Variants in PSD3 observed in about 807,000 individuals in gnomAD.
PSD3 encodes pleckstrin and Sec7 domain containing 3.
In PSD3, 49 loss-of-function variants were observed where a neutral mutation model predicts 105.5. The observed-to-expected ratio is 0.46, with a 90% CI of 0.37 to 0.59. The LOEUF is 0.59. PSD3 is among the 20% of genes least tolerant of loss of function. PSD3 has a pLI of 0.00. For synonymous variants in PSD3, 557 were observed against 457.8 expected, an observed-to-expected ratio of 1.22 and a Z score of -2.77; for missense variants, 1,561 against 1,263.8, an observed-to-expected ratio of 1.24 and a Z score of -3.57.
At chr8:18,968,527 A>G (rs1824427213) in intron 1 of PSD3, among the ~76,000 whole-genome samples, 1 of 152,174 alleles carries the variant, frequency 6.6e-6, no homozygotes, top group South Asian at 2.1e-4. Flanking sequence ...TCTCAAGACT[A>G]AAGAAAAACT....
At chr8:18,861,650 A>G (rs981739979) in intron 4 of PSD3, among the ~76,000 whole-genome samples, 1 of 152,156 alleles carries the variant, frequency 6.6e-6, no homozygotes, top group Non-Finnish European at 1.5e-5. Context: ...CATGTGTCCT[A>G]GAGTCAAACA....
chr8:18,710,292 G>C (rs62495802), intron 9 of PSD3, among the ~76,000 whole-genome samples: 28 of 151,850 alleles, frequency 1.8e-4, no homozygotes, highest in Non-Finnish European at 3.7e-4. Context: ...AAAGATTAGA[G>C]GGAAAAAAAA....
chr8:18,649,772 T>C (rs114999429), intron 10 of PSD3, among the ~76,000 whole-genome samples: 200 of 152,316 alleles, frequency 1.3e-3, no homozygotes, highest in African/African-American at 4.3e-3. Context: ...ATTTCCCCCT[T>C]TGGTGCTGTT....
chr8:18,629,241 T>C (rs750827118), intron 11 of PSD3, among the ~76,000 whole-genome samples: 1 of 151,962 alleles, frequency 6.6e-6, no homozygotes, highest in Non-Finnish European at 1.5e-5. Flanking sequence ...CAGGAAGACA[T>C]AATATATATA....
rs1408178752 is a variant in PSD3, at chr8:18,535,670, C to T, written c.*73G>A. The T allele has an allele frequency of 2.5e-6, 3 of 1,220,840 alleles. No individual in the cohort carries two copies. The highest frequency in any genetic ancestry group is 1.9e-5 in the Admixed American group (1 of 51,376). 75.6% of individuals were successfully genotyped at this position (1,220,840 alleles called of 1,614,324 possible). ...CAGACTTTTTTTTTTTAAATATATT[C>T]ACGGATTACCAGAAAGATCTTGAAA... On this transcript the variant is annotated 3_prime_UTR_variant, in exon 16 of 16. Coordinates refer to ENST00000327040, the MANE Select transcript of PSD3 (RefSeq NM_015310.4).
intron 15 of PSD3, among the ~76,000 whole-genome samples, chr8:18,550,679 C>T (rs374544304): frequency 2.0e-5 from 3 of 152,222 alleles, no homozygotes; most frequent in East Asian, 3.9e-4. Context: ...GAATACCTCA[C>T]GTAATATACT....
Position 18,530,996 on chromosome 8 carries a change from G to A in PSD3, c.*4747C>T, listed in dbSNP as rs534125075. On this transcript the variant is annotated 3_prime_UTR_variant, in exon 16 of 16. Coordinates refer to ENST00000327040, the MANE Select transcript of PSD3 (RefSeq NM_015310.4). Reference sequence around the variant, plus strand: ...GATTAAGGACAAAAATAATTTTGATGTACATGTACCATACACTGATATGCA... The same window carrying A: ...GATTAAGGACAAAAATAATTTTGATATACATGTACCATACACTGATATGCA... 2 of 151,308 alleles carry A rather than the reference G, an allele frequency of 1.3e-5. No individual in the cohort carries two copies. The highest frequency in any genetic ancestry group is 2.1e-4 in the South Asian group (1 of 4,768). 9.4% of individuals were successfully genotyped at this position (151,308 alleles called of 1,614,324 possible). A position where few individuals can be genotyped will look rare whatever the true frequency, so the allele number is the denominator to read the frequency against.
intron 8 of PSD3, among the ~76,000 whole-genome samples, chr8:18,780,074 T>C (rs1238262809): frequency 6.6e-6 from 1 of 152,230 alleles, no homozygotes; most frequent in African/African-American, 2.4e-5. Context: ...TTAGATTCAA[T>C]AATGTTTGCT....
intron 8 of PSD3, among the ~76,000 whole-genome samples, chr8:18,766,576 T>C (rs1807020456): frequency 6.6e-6 from 1 of 152,172 alleles, no homozygotes; most frequent in South Asian, 2.1e-4. Context: ...ACTCAGCTGT[T>C]TATGCATTTA....
At chr8:18,686,634 G>C (rs2130973740) in intron 9 of PSD3, among the ~76,000 whole-genome samples, 1 of 152,230 alleles carries the variant, frequency 6.6e-6, no homozygotes, top group East Asian at 1.9e-4. Flanking sequence ...TCAGCATCCA[G>C]GGGCCCTTGA....
intron 2 of PSD3, among the ~76,000 whole-genome samples, chr8:18,898,868 GGAA>G (rs1182160155): frequency 6.6e-6 from 1 of 152,124 alleles, no homozygotes; most frequent in African/African-American, 2.4e-5. Flanking sequence ...AAAAGGTAGA[GGAA>G]GAAGAACAGG....
At chr8:18,722,688 C>A (rs777116713) in intron 9 of PSD3, among the ~76,000 whole-genome samples, 2 of 152,036 alleles carry the variant, frequency 1.3e-5, no homozygotes, top group Non-Finnish European at 2.9e-5. Context: ...AAAGAAGAAG[C>A]AATAATGGAT....
At chr8:19,039,215 C>T (rs910336858) in intron 1 of PSD3, among the ~76,000 whole-genome samples, 2 of 152,152 alleles carry the variant, frequency 1.3e-5, no homozygotes, top group Admixed American at 6.5e-5. Context: ...CCTTTGCATT[C>T]TTTTCCCTAC....
rs1021154380 is a variant in PSD3, at chr8:19,013,670, G to T, written c.-87C>A. On this transcript the variant is annotated 5_prime_UTR_variant, in exon 1 of 16. Transcript: ENST00000327040. ...CAGGGCGCGAGTGCCGGCGGCCAGC[G>T]CCGCGTGCTCTTTGTTGAGCTCCCG... 1 of 1,155,438 alleles carries T rather than the reference G, an allele frequency of 8.7e-7. No homozygotes were observed. The highest frequency in any genetic ancestry group is 1.6e-5 in the African/African-American group (1 of 61,282). 71.6% of individuals were successfully genotyped at this position (1,155,438 alleles called of 1,614,324 possible).
intron 8 of PSD3, among the ~76,000 whole-genome samples, chr8:18,765,979 C>CAAAAA (rs1291130149): frequency 3.4e-5 from 5 of 147,396 alleles, no homozygotes; most frequent in Non-Finnish European, 6.0e-5. Flanking sequence ...AAAAAAAAAA[C>CAAAAA]CAAAAACAAA....
In PSD3 at chr8:18,583,405, T is replaced by A. The variant is rs141957834; in HGVS notation, c.2482-8120A>T. On this transcript the variant is annotated intron_variant, in intron 12 of 15. Coordinates refer to ENST00000327040, the MANE Select transcript of PSD3 (RefSeq NM_015310.4). ...GAGACACCGCCATTGCACTCCAGTT[T>A]GGGTAACAGAGTGAGACCTAGTTTC... Among the ~76,000 whole-genome samples the A allele has an allele frequency of 2.5e-3, 381 of 152,272 alleles. 2 individuals are homozygous for A. Among genetic ancestry groups the A allele is most frequent in the African/African-American group, 8.8e-3 (364 of 41,560 alleles).
chr8:18,788,738 C>T (rs544537089), intron 8 of PSD3, among the ~76,000 whole-genome samples: 1 of 152,316 alleles, frequency 6.6e-6, no homozygotes, highest in East Asian at 1.9e-4. Flanking sequence ...TCCCATATGA[C>T]AATTCCACCT....
chr8:18,916,380 AC>A (rs1820608601), intron 2 of PSD3, among the ~76,000 whole-genome samples: 1 of 141,474 alleles, frequency 7.1e-6, no homozygotes, highest in Non-Finnish European at 1.5e-5. Flanking sequence ...ACACACACAA[AC>A]AGAATACTAT....
chr8:18,900,979 G>A (rs1313751638), intron 2 of PSD3, among the ~76,000 whole-genome samples: 1 of 152,084 alleles, frequency 6.6e-6, no homozygotes, highest in African/African-American at 2.4e-5. Flanking sequence ...ATGCAGTTAT[G>A]ATTTAATACT....
Sources: allele counts gnomAD v4.1 joint callset (sites outside exome capture counted in the v4.1 genomes callset), GRCh38; gene constraint gnomAD v4.1.1; transcripts MANE v1.5; gene names NCBI Gene and HGNC (gene_info 2026-07-23, HGNC 2026-07-21).